Variants in ISY1 observed in about 807,000 individuals in gnomAD.
The protein encoded by ISY1 is pre-mRNA-splicing factor ISY1 homolog.
In ISY1, 12 loss-of-function variants were observed where a neutral mutation model predicts 54.4. That is an observed-to-expected ratio of 0.22 (90% CI 0.14 to 0.36). ISY1 has a LOEUF of 0.36. ISY1 is among the 10% of genes least tolerant of loss of function. The pLI, the probability that ISY1 is intolerant of heterozygous loss-of-function variation, is 1.00. For synonymous variants in ISY1, 96 were observed against 117.9 expected (o/e 0.81, Z 1.20); for missense variants, 282 against 342.2 (o/e 0.82, Z 1.39).
Position 129,145,772 on chromosome 3 carries a change from G to C in ISY1, c.289C>G (p.Pro97Ala), listed in dbSNP as rs1317397066. The C allele has an allele frequency of 1.2e-6, 2 of 1,613,980 alleles. No homozygotes were observed. Among genetic ancestry groups the C allele is most frequent in the Non-Finnish European group, 1.7e-6 (2 of 1,179,942 alleles). Residue 97 changes from proline to alanine, a missense_variant, in exon 6 of 11, where the codon CCT becomes GCT. Pro to Ala is a conservative substitution (Grantham distance 27, BLOSUM62 -1). This residue lies in a region of ISY1 where 279 missense variants were observed against 323.6 expected (regional missense o/e 0.86). Transcript: ENST00000393295. ...TGCCATGTACTCACTCCATAATCAGGACCTCCCAGCTCCTTTATCCGGACC... is the reference window on the plus strand; with the variant it reads ...TGCCATGTACTCACTCCATAATCAGCACCTCCCAGCTCCTTTATCCGGACC... ...WEVRIKELGGPDYGKVGPKML... is the reference protein window; with the variant it reads ...WEVRIKELGGADYGKVGPKML...
At chr3:129,140,178 A>G (rs531629218) in intron 7 of ISY1, among the ~76,000 whole-genome samples, 190 bp downstream of exon 7, 7 of 152,328 alleles carry the variant, frequency 4.6e-5, no homozygotes, top group South Asian at 4.1e-4. Context: ...TCCAGCCCCA[A>G]TTGTATGGCA....
intron 5 of ISY1, among the ~76,000 whole-genome samples, chr3:129,149,866 T>C (rs1262858254): frequency 6.8e-6 from 1 of 147,702 alleles, no homozygotes; most frequent in East Asian, 2.0e-4. Flanking sequence ...CTCAGCTACA[T>C]GAGAGTTTGA....
chr3:129,130,721 C>T, intron 9 of ISY1, 85 bp from the exon 10 acceptor site: 2 of 1,410,586 alleles, frequency 1.4e-6, no homozygotes, highest in South Asian at 2.6e-5. Flanking sequence ...TACTCTGCAA[C>T]TATTTAAAAG....
intron 5 of ISY1, 108 bp from the exon 6 acceptor site, chr3:129,145,981 G>T: frequency 1.0e-6 from 1 of 1,001,806 alleles, no homozygotes; most frequent in Non-Finnish European, 1.4e-6. Flanking sequence ...CACCTACAAA[G>T]GTATACTACA....
At chr3:129,153,080 G>GCTCA (rs2107617327) in intron 5 of ISY1, among the ~76,000 whole-genome samples, 1 of 149,950 alleles carries the variant, frequency 6.7e-6, no homozygotes, top group South Asian at 2.1e-4. Flanking sequence ...CCCAATCTTG[G>GCTCA]CTCACTGCAA....
chr3:129,156,086 T>TC (rs1937127150), intron 5 of ISY1, among the ~76,000 whole-genome samples: 1 of 152,034 alleles, frequency 6.6e-6, no homozygotes, highest in Non-Finnish European at 1.5e-5. Flanking sequence ...TGGTGAATGT[T>TC]CCACGTGCTC....
In ISY1 at chr3:129,156,900, G is replaced by C. The variant is rs775812771; in HGVS notation, c.99C>G (p.Ala33=). Reference sequence around the variant, plus strand: ...CTTTAGGCAGTTCAGTACATTCTGAGGCCAGAAAGGGTCTTCGTTCCTAAG... The same window carrying C: ...CTTTAGGCAGTTCAGTACATTCTGACGCCAGAAAGGGTCTTCGTTCCTAAG... ...GKVKERRPFL[A]SECTELPKAE... The change falls in exon 4 of 11, where the codon GCC becomes GCG. Residue 33 remains alanine, a synonymous_variant. Coordinates refer to ENST00000393295, the MANE Select transcript of ISY1 (RefSeq NM_020701.4). 2 of 1,613,862 alleles carry C rather than the reference G, an allele frequency of 1.2e-6. No individual in the cohort carries two copies. Among genetic ancestry groups the C allele is most frequent in the African/African-American group, 2.7e-5 (2 of 74,902 alleles).
At chr3:129,134,687 G>A (rs1423912126) in intron 8 of ISY1, 145 bp downstream of exon 8, 6 of 1,179,444 alleles carry the variant, frequency 5.1e-6, no homozygotes, top group East Asian at 6.9e-5. Context: ...AGGGGTCAGG[G>A]AATTAGCAGA....
intron 9 of ISY1, among the ~76,000 whole-genome samples, chr3:129,131,491 T>C (rs938529775): frequency 1.3e-5 from 2 of 152,178 alleles, no homozygotes; most frequent in Admixed American, 1.3e-4. Flanking sequence ...CCTGAGGCAG[T>C]AGTGAGCTTC....
At chr3:129,144,181 G>A (rs1412092913) in intron 6 of ISY1, 1 of 433,572 alleles carries the variant, frequency 2.3e-6, no homozygotes, top group Non-Finnish European at 4.7e-6. Flanking sequence ...CACTCTGGCA[G>A]GACATATACT....
intron 7 of ISY1, among the ~76,000 whole-genome samples, chr3:129,136,892 TATTTTTTA>T (rs1936420858): frequency 6.8e-6 from 1 of 147,822 alleles, no homozygotes; most frequent in African/African-American, 2.5e-5. Context: ...TTTTATTTTT[TATTTTTTA>T]ATTTTATTTT....
chr3:129,148,021 C>T (rs1936826679), intron 5 of ISY1, among the ~76,000 whole-genome samples: 1 of 151,832 alleles, frequency 6.6e-6, no homozygotes, highest in Non-Finnish European at 1.5e-5. Context: ...GAGATGAGGC[C>T]TTACTATGTT....
intron 9 of ISY1, among the ~76,000 whole-genome samples, chr3:129,132,733 G>A (rs1936271889): frequency 6.6e-6 from 1 of 152,134 alleles, no homozygotes; most frequent in South Asian, 2.1e-4. Flanking sequence ...CCTGGAATGC[G>A]GCTGGCTCAC....
chr3:129,146,318 A>C (rs1936764798), intron 5 of ISY1, among the ~76,000 whole-genome samples: 2 of 152,194 alleles, frequency 1.3e-5, no homozygotes, highest in Non-Finnish European at 2.9e-5. Flanking sequence ...TATATGGGAA[A>C]AATTTTTGGC....
At chr3:129,139,673 G>C (rs1009167748) in intron 7 of ISY1, among the ~76,000 whole-genome samples, 1 of 150,622 alleles carries the variant, frequency 6.6e-6, no homozygotes, top group Non-Finnish European at 1.5e-5. Context: ...ATGGAGTTTC[G>C]CTCTTGCTGT....
At chr3:129,133,950 C>T in intron 9 of ISY1, 124 bp downstream of exon 9, 1 of 1,503,946 alleles carries the variant, frequency 6.6e-7, no homozygotes, top group South Asian at 1.3e-5. Context: ...TCACAGCCAT[C>T]CTGCAGGTGA....
At position 129,128,561 on chromosome 3, in the gene ISY1, T is replaced by G. The variant is rs1936152489; in HGVS notation, c.*1520A>C. 6.6e-6 allele frequency: 1 copy of G among 152,570 alleles called. No individual in the cohort carries two copies. The highest frequency in any genetic ancestry group is 1.5e-5 in the Non-Finnish European group (1 of 68,314). 9.5% of individuals were successfully genotyped at this position (152,570 alleles called of 1,614,324 possible). ...ACTCAGACCTTTTCCACAGTCCTTG[T>G]GGCCCTCGGGCTCCTTAGAGAGGGC... On this transcript the variant is annotated 3_prime_UTR_variant, in exon 11 of 11. Coordinates refer to ENST00000393295, the MANE Select transcript of ISY1 (RefSeq NM_020701.4).
chr3:129,130,753 T>A, intron 9 of ISY1, 117 bp from the exon 10 acceptor site: 1 of 1,123,234 alleles, frequency 8.9e-7, no homozygotes, highest in Non-Finnish European at 1.2e-6. Flanking sequence ...AAGAAAGTTC[T>A]ATACTTATAG....
chr3:129,153,534 A>G (rs984897433), intron 5 of ISY1, among the ~76,000 whole-genome samples: 1 of 152,144 alleles, frequency 6.6e-6, no homozygotes, highest in Non-Finnish European at 1.5e-5. Flanking sequence ...CTGTAATCCC[A>G]GCACTACGGG....
Sources: gnomAD v4.1 joint callset for allele counts (sites outside exome capture counted in the v4.1 genomes callset) on GRCh38, gnomAD v4.1.1 for gene constraint, gnomAD v4.1.1 regional missense constraint, MANE v1.5 for transcripts, NCBI Gene and HGNC (gene_info 2026-07-23, HGNC 2026-07-21) for gene names.